GPC6: variants seen among roughly 807,000 people sequenced by gnomAD.
GPC6 encodes glypican-6.
GPC6 carries 14 observed loss-of-function variants against 55.2 expected under a neutral mutation model. The observed-to-expected ratio is 0.25, with a 90% CI of 0.17 to 0.40. The LOEUF is 0.40. GPC6 is among the 10% of genes least tolerant of loss of function. GPC6 has a pLI of 1.00. For synonymous variants in GPC6, 278 were observed against 259.6 expected (o/e 1.07, Z -0.68); for missense variants, 641 against 708.5 (o/e 0.90, Z 1.08).
intron 1 of GPC6, among the ~76,000 whole-genome samples, chr13:93,362,792 T>C (rs897726564): frequency 1.3e-5 from 2 of 152,190 alleles, no homozygotes; most frequent in Non-Finnish European, 2.9e-5. Flanking sequence ...TGGTACATTT[T>C]GTCCTAAATA....
At chr13:94,117,266 G>T (rs548001878) in intron 4 of GPC6, among the ~76,000 whole-genome samples, 1 of 152,078 alleles carries the variant, frequency 6.6e-6, no homozygotes, top group African/African-American at 2.4e-5. Flanking sequence ...AGTGTGGCTT[G>T]GTCAGAGAAA....
intron 2 of GPC6, among the ~76,000 whole-genome samples, chr13:93,742,927 G>GA (rs1884259484): frequency 8.7e-6 from 1 of 114,568 alleles, no homozygotes; most frequent in Non-Finnish European, 2.0e-5. Flanking sequence ...TTTCACTATG[G>GA]AAAAATGAGT....
chr13:94,117,628 T>G (rs1164280520), intron 4 of GPC6, among the ~76,000 whole-genome samples: 2 of 152,092 alleles, frequency 1.3e-5, no homozygotes, highest in Non-Finnish European at 2.9e-5. Context: ...ACTTGCTCTA[T>G]GCCAGGTTCA....
At chr13:93,773,221 C>T (rs1162654486) in intron 2 of GPC6, among the ~76,000 whole-genome samples, 1 of 152,116 alleles carries the variant, frequency 6.6e-6, no homozygotes, top group Non-Finnish European at 1.5e-5. Context: ...TGAATAAAGC[C>T]TGCATGATGG....
chr13:93,423,540 T>G (rs1236443527), intron 1 of GPC6, among the ~76,000 whole-genome samples: 1 of 152,160 alleles, frequency 6.6e-6, no homozygotes, highest in East Asian at 1.9e-4. Flanking sequence ...TTCAAGTAAT[T>G]TATTGCTTTC....
At chr13:94,266,271 C>T (rs796080911) in intron 4 of GPC6, among the ~76,000 whole-genome samples, 31 of 152,066 alleles carry the variant, frequency 2.0e-4, no homozygotes, top group African/African-American at 6.5e-4. Flanking sequence ...CGGGTTCACT[C>T]GATTCTCCTG....
chr13:93,355,346 G>C (rs1419703284), intron 1 of GPC6, among the ~76,000 whole-genome samples: 1 of 152,172 alleles, frequency 6.6e-6, no homozygotes, highest in African/African-American at 2.4e-5. Context: ...GGTGAAATAG[G>C]ATGTGACATA....
rs144440794 is a variant in GPC6 at position 93,393,127 on chromosome 13, T to TAG, written c.161-152105_161-152104dup. Among the ~76,000 whole-genome samples, 501 of 87,604 alleles carry TAG rather than the reference T, an allele frequency of 5.7e-3. 9 individuals are homozygous for TAG. Among genetic ancestry groups the TAG allele is most frequent in the East Asian group, 0.032 (96 of 3,028 alleles). 57.5% of individuals were successfully genotyped at this position (87,604 alleles called of 152,430 possible). On this transcript the variant is annotated intron_variant, in intron 1 of 8. Transcript: ENST00000377047. ...TATTTGATATATATATATATATATA[T>TAG]AGAGAGAGAGAGAGAGAGAGAGAGA... is the stretch of plus-strand genomic sequence containing the variant.
intron 2 of GPC6, among the ~76,000 whole-genome samples, chr13:93,824,218 ATGAG>A (rs1887155305): frequency 6.6e-6 from 1 of 152,192 alleles, no homozygotes; most frequent in Non-Finnish European, 1.5e-5. Flanking sequence ...AAAAAACTGT[ATGAG>A]TGAGGAAATA....
intron 3 of GPC6, among the ~76,000 whole-genome samples, chr13:93,977,692 G>A (rs894889517): frequency 1.3e-5 from 2 of 152,080 alleles, no homozygotes; most frequent in Admixed American, 6.6e-5. Context: ...CTAGACATAT[G>A]CACATCCTTA....
At chr13:93,996,349 A>T (rs115739232) in intron 3 of GPC6, among the ~76,000 whole-genome samples, 464 of 152,318 alleles carry the variant, frequency 3.0e-3, no homozygotes, top group African/African-American at 0.011. Flanking sequence ...TGGTTTGAGT[A>T]TTTGCTCTGC....
At chr13:94,328,522 C>T (rs562277723) in intron 6 of GPC6, among the ~76,000 whole-genome samples, 3 of 152,294 alleles carry the variant, frequency 2.0e-5, no homozygotes, top group African/African-American at 4.8e-5. Flanking sequence ...GCTGTCCTGT[C>T]GTTGGTCTCA....
At chr13:93,764,441 A>G (rs886951535) in intron 2 of GPC6, among the ~76,000 whole-genome samples, 2 of 152,174 alleles carry the variant, frequency 1.3e-5, no homozygotes, top group Non-Finnish European at 2.9e-5. Flanking sequence ...AAACTTTAGT[A>G]TAGTGTTTGG....
At position 94,306,053 on chromosome 13, in the gene GPC6, A is replaced by T. The variant is rs1875927223; in HGVS notation, c.1082A>T (p.Asn361Ile). Reference sequence around the variant, plus strand: ...GCCCGCTCAGCTCCTGAAAATTTTAATACACGTTTCAGGCCCTACAATCCT... The same window carrying T: ...GCCCGCTCAGCTCCTGAAAATTTTATTACACGTTTCAGGCCCTACAATCCT... ...RSARSAPENF[N>I]TRFRPYNPEE... is the part of the protein sequence containing the mutation. Residue 361 changes from asparagine to isoleucine, a missense_variant, in exon 6 of 9, where the codon AAT (asparagine) becomes ATT (isoleucine). Physicochemically the swap from Asn to Ile is moderately radical, Grantham distance 149. Coordinates refer to ENST00000377047, the MANE Select transcript of GPC6 (RefSeq NM_005708.5). The T allele has an allele frequency of 6.2e-7, 1 of 1,614,010 alleles. No homozygotes were observed. Among genetic ancestry groups the T allele is most frequent in the African/African-American group, 1.3e-5 (1 of 74,904 alleles).
chr13:93,994,006 T>C (rs1881427442), intron 3 of GPC6, among the ~76,000 whole-genome samples: 1 of 152,184 alleles, frequency 6.6e-6, no homozygotes, highest in Non-Finnish European at 1.5e-5. Flanking sequence ...TTATTTTAAT[T>C]AAAAGGCCAC....
intron 6 of GPC6, among the ~76,000 whole-genome samples, chr13:94,307,375 G>A (rs1489530185): frequency 1.3e-5 from 2 of 151,910 alleles, no homozygotes; most frequent in African/African-American, 4.8e-5. Context: ...GGAGTGCAGT[G>A]TCATGATCAT....
chr13:93,319,360 CTA>C (rs1440475242), intron 1 of GPC6, among the ~76,000 whole-genome samples: 11 of 152,084 alleles, frequency 7.2e-5, no homozygotes, highest in Middle Eastern at 3.4e-3. Context: ...GAAAAACCCA[CTA>C]AAAAGGAAAT....
In GPC6 at chr13:93,829,238, C is replaced by T. The variant is rs568503902; in HGVS notation, c.320-916C>T. ...AAATGAGATAAAACTTGAACTTGCT[C>T]TACCCAAGCTTATTTGTGCAAAAGG... On this transcript the variant is annotated intron_variant, in intron 2 of 8. Transcript: ENST00000377047. Among the ~76,000 whole-genome samples, 16 of 152,172 alleles carry T rather than the reference C, an allele frequency of 1.1e-4. 1 individual carries two copies. The highest frequency in any genetic ancestry group is 3.3e-4 in the Admixed American group (5 of 15,264).
chr13:94,151,584 A>G (rs373329930), intron 4 of GPC6, among the ~76,000 whole-genome samples: 5 of 152,140 alleles, frequency 3.3e-5, no homozygotes, highest in East Asian at 1.9e-4. Context: ...TTGAAAAGCA[A>G]AAATAGAAGG....
Sources: allele counts gnomAD v4.1 joint callset (sites outside exome capture counted in the v4.1 genomes callset), GRCh38; gene constraint gnomAD v4.1.1; transcripts MANE v1.5; gene names NCBI Gene and HGNC (gene_info 2026-07-23, HGNC 2026-07-21).